Variants in GOLGA8K observed in about 807,000 individuals in gnomAD.
GOLGA8K encodes the protein golgin A8 family member K, also known as golgin subfamily A member 8K.
In GOLGA8K, 12 loss-of-function variants were observed where a neutral mutation model predicts 75.2. The observed-to-expected ratio is 0.16, with a 90% CI of 0.10 to 0.26. The LOEUF (loss-of-function observed/expected upper bound fraction) is 0.26. Among genes scored for constraint, GOLGA8K ranks in the 10% least tolerant of loss-of-function variants. GOLGA8K has a pLI of 1.00. For missense variants in GOLGA8K, 109 were observed against 640.8 expected, an observed-to-expected ratio of 0.17 and a Z score of 8.96; for synonymous variants, 48 against 236.6, an observed-to-expected ratio of 0.20 and a Z score of 7.32.
intron 13 of GOLGA8K, among the ~76,000 whole-genome samples, chr15:32,395,593 A>G (rs952869646): frequency 1.4e-5 from 2 of 144,936 alleles, no homozygotes; most frequent in African/African-American, 5.0e-5. Flanking sequence ...GTTTTACCAC[A>G]TTGGCCAGGC....
intron 8 of GOLGA8K, among the ~76,000 whole-genome samples, chr15:32,398,009 T>A (rs2054651149): frequency 6.6e-6 from 1 of 152,148 alleles, no homozygotes; most frequent in Non-Finnish European, 1.5e-5. Flanking sequence ...AAGGGGAAAA[T>A]TAATCTTTTG....
At chr15:32,394,345 G>T (rs548026138) in intron 14 of GOLGA8K, 112 bp from the exon 15 acceptor site, 18,239 of 639,348 alleles carry the variant, frequency 0.029, 1,189 homozygotes, top group Non-Finnish European at 0.035. Context: ...TCCCCAGAGA[G>T]GAATGAGCTG....
chr15:32,401,272 A>C, intron 2 of GOLGA8K, 84 bp downstream of exon 2: 1 of 465,212 alleles, frequency 2.1e-6, no homozygotes, highest in Non-Finnish European at 3.5e-6. Flanking sequence ...ACCAGTACCC[A>C]GCAGTCCATC....
chr15:32,391,550 G>C lies in GOLGA8K; in HGVS notation c.*1232C>G, dbSNP rs1375482123. ...ATTTTTTAAAGTGTTTTCCATTCAA[G>C]GAAAAAGAAGTAAATTCCTATGTCA... On this transcript the variant is annotated 3_prime_UTR_variant, in exon 19 of 19. Transcript: ENST00000512626. Among the ~76,000 whole-genome samples, 4 of 110,472 alleles carry C rather than the reference G, an allele frequency of 3.6e-5. No homozygotes were observed. The highest frequency in any genetic ancestry group is 1.1e-4 in the African/African-American group (4 of 37,556). The allele number at this position is 110,472 out of a possible 152,430, so 72.5% of individuals were successfully genotyped here.
Position 32,395,751 on chromosome 15 carries a change from A to G in GOLGA8K, c.1200+212T>C, listed in dbSNP as rs377329336. ...GATTGGGGGCTCCATGCCTCTAGCT[A>G]GGATGATGATGTCCAGACCTGAGAG... On this transcript the variant is annotated intron_variant, in intron 13 of 18. Coordinates refer to ENST00000512626, the MANE Select transcript of GOLGA8K (RefSeq NM_001282493.2). Among the ~76,000 whole-genome samples the G allele has an allele frequency of 1.0e-3, 149 of 147,310 alleles. 2 individuals are homozygous for G. Among genetic ancestry groups the G allele is most frequent in the African/African-American group, 1.4e-3 (55 of 40,134 alleles).
intron 8 of GOLGA8K, among the ~76,000 whole-genome samples, 195 bp downstream of exon 8, chr15:32,398,365 A>C (rs2098896): frequency 2.7e-4 from 39 of 144,462 alleles, no homozygotes; most frequent in South Asian, 8.8e-4. Context: ...TGCTCACTCC[A>C]CACAGTGACC....
At position 32,395,786 on chromosome 15, in the gene GOLGA8K, G is replaced by T. The variant is rs201205656; in HGVS notation, c.1200+177C>A. On this transcript the variant is annotated intron_variant, in intron 13 of 18. Coordinates refer to ENST00000512626, the MANE Select transcript of GOLGA8K (RefSeq NM_001282493.2). Reference sequence around the variant, plus strand: ...TGTCCAGACCTGAGAGGAGCCCAGGGCTACCCACCTTTAAAAGTCAGAGGC... The same window carrying T: ...TGTCCAGACCTGAGAGGAGCCCAGGTCTACCCACCTTTAAAAGTCAGAGGC... Among the ~76,000 whole-genome samples, 468 of 149,104 alleles carry T rather than the reference G, an allele frequency of 3.1e-3. 12 individuals are homozygous for T. Among genetic ancestry groups the T allele is most frequent in the Middle Eastern group, 0.021 (6 of 292 alleles).
At chr15:32,395,795 C>A (rs1325047002) in intron 13 of GOLGA8K, among the ~76,000 whole-genome samples, 168 bp downstream of exon 13, 1 of 149,308 alleles carries the variant, frequency 6.7e-6, no homozygotes, top group South Asian at 2.1e-4. Context: ...GGCTACCCAC[C>A]TTTAAAAGTC....
chr15:32,394,110 G>C (rs2140280052), intron 15 of GOLGA8K, 35 bp downstream of exon 15: 2 of 837,088 alleles, frequency 2.4e-6, no homozygotes, highest in East Asian at 8.0e-5. Flanking sequence ...CACAGAGAAA[G>C]GTGGCAAAAT....
At chr15:32,398,368 CA>C (rs1566976613) in intron 8 of GOLGA8K, among the ~76,000 whole-genome samples, 191 bp downstream of exon 8, 1 of 145,008 alleles carries the variant, frequency 6.9e-6, no homozygotes, top group Non-Finnish European at 1.5e-5. Flanking sequence ...TCACTCCACA[CA>C]GTGACCCCCA....
chr15:32,397,141 C>G, intron 10 of GOLGA8K, 62 bp downstream of exon 10: 1 of 770,710 alleles, frequency 1.3e-6, no homozygotes. Flanking sequence ...TCCCATTTTA[C>G]AGATGACCAG....
At chr15:32,398,317 G>T (rs1394677876) in intron 8 of GOLGA8K, among the ~76,000 whole-genome samples, 2,273 of 146,664 alleles carry the variant, frequency 0.015, 45 homozygotes, top group African/African-American at 0.054. Context: ...GACAGGTAAG[G>T]GCGGGGCAGG....
Position 32,397,548 on chromosome 15 carries a change from A to G in GOLGA8K, c.592-45T>C, listed in dbSNP as rs533597156. Reference sequence around the variant, plus strand: ...AAGTTTCAATCTGGAGAGCCTGGGCATTTCCACACAGTGCCCCTTAACAGG... The same window carrying G: ...AAGTTTCAATCTGGAGAGCCTGGGCGTTTCCACACAGTGCCCCTTAACAGG... On this transcript the variant is annotated intron_variant, in intron 8 of 18. Coordinates refer to ENST00000512626, the MANE Select transcript of GOLGA8K (RefSeq NM_001282493.2). The G allele has an allele frequency of 1.5e-5, 21 of 1,427,792 alleles. No individual in the cohort carries two copies. In the Admixed American group the frequency reaches 3.5e-4, roughly 24 times the overall value. The allele number at this position is 1,427,792 out of a possible 1,614,324, so 88.4% of individuals were successfully genotyped here.
In GOLGA8K at chr15:32,398,162, GTACA is replaced by G. The variant is rs1358193666; in HGVS notation, c.591+394_591+397del. 4.9e-4 allele frequency among the ~76,000 whole-genome samples: 49 copies of G among 100,066 alleles called. 1 individual carries two copies. The highest frequency in any genetic ancestry group is 1.3e-3 in the Admixed American group (11 of 8,524). The allele number at this position is 100,066 out of a possible 152,430, so 65.6% of individuals were successfully genotyped here. ...TGTTTTATGTATATTATCACAGTAT[GTACA>G]CACACACACACACACACACACACAC... On this transcript the variant is annotated intron_variant, in intron 8 of 18. Coordinates refer to ENST00000512626, the MANE Select transcript of GOLGA8K (RefSeq NM_001282493.2).
At position 32,389,951 on chromosome 15, in the gene GOLGA8K, T is replaced by A. The variant is rs1276841816; in HGVS notation, c.*2831A>T. ...AAACTATATTATGGATAGGGCTGAT[T>A]TACATTTTCAAATTTTCTAAAATCA... On this transcript the variant is annotated 3_prime_UTR_variant, in exon 19 of 19. Transcript: ENST00000512626. Among the ~76,000 whole-genome samples the A allele has an allele frequency of 9.7e-6, 1 of 103,406 alleles. No individual in the cohort carries two copies. The highest frequency in any genetic ancestry group is 2.1e-5 in the Non-Finnish European group (1 of 47,918). The allele number at this position is 103,406 out of a possible 152,430, so 67.8% of individuals were successfully genotyped here.
chr15:32,403,098 G>A lies in GOLGA8K; in HGVS notation c.48+49C>T. The A allele has an allele frequency of 2.4e-6, 2 of 835,818 alleles. 1 individual carries two copies. The highest frequency in any genetic ancestry group is 3.2e-5 in the South Asian group (2 of 61,900). The allele number at this position is 835,818 out of a possible 1,614,324, so 51.8% of individuals were successfully genotyped here. On this transcript the variant is annotated intron_variant, in intron 1 of 18. Transcript: ENST00000512626. ...GACTCTGGCAGGGGTCTTGTCATCA[G>A]AGGGGATCTGTGGCTGGGTTGAGGG...
At chr15:32,395,766 AG>A (rs2054604373) in intron 13 of GOLGA8K, among the ~76,000 whole-genome samples, 196 bp downstream of exon 13, 1 of 148,246 alleles carries the variant, frequency 6.7e-6, no homozygotes, top group Non-Finnish European at 1.5e-5. Context: ...GATGATGTCC[AG>A]ACCTGAGAGG....
At chr15:32,398,311 G>A (rs1257548419) in intron 8 of GOLGA8K, among the ~76,000 whole-genome samples, 1 of 147,200 alleles carries the variant, frequency 6.8e-6, no homozygotes, top group Non-Finnish European at 1.5e-5. Flanking sequence ...ACCACAGACA[G>A]GTAAGGGCGG....
chr15:32,394,989 C>A (rs1168733859), intron 13 of GOLGA8K, among the ~76,000 whole-genome samples: 1 of 149,864 alleles, frequency 6.7e-6, no homozygotes, highest in Non-Finnish European at 1.5e-5. Context: ...CTGCAGGTGA[C>A]CCAGGTAATG....
Sources: allele counts gnomAD v4.1 joint callset (sites outside exome capture counted in the v4.1 genomes callset), GRCh38; gene constraint gnomAD v4.1.1; transcripts MANE v1.5; gene names NCBI Gene and HGNC (gene_info 2026-07-23, HGNC 2026-07-21).